Variants in ATRNL1 observed in about 807,000 individuals in gnomAD.
ATRNL1 encodes the protein attractin-like protein 1.
ATRNL1 carries 95 observed loss-of-function variants against 182.7 expected under a neutral mutation model. The observed-to-expected ratio is 0.52, with a 90% CI of 0.44 to 0.62. The LOEUF is 0.62. ATRNL1 is among the 20% of genes least tolerant of loss of function. ATRNL1 has a pLI of 0.00. For missense variants in ATRNL1, 1,471 were observed against 1,679.5 expected (o/e 0.88, Z 2.17); for synonymous variants, 576 against 568.3 (o/e 1.01, Z -0.19).
intron 27 of ATRNL1, among the ~76,000 whole-genome samples, chr10:115,834,248 C>T (rs1035623736): frequency 8.5e-5 from 13 of 152,134 alleles, no homozygotes; most frequent in South Asian, 2.1e-4. Context: ...CTACTTTCTG[C>T]GGCTCCAATA....
intron 27 of ATRNL1, among the ~76,000 whole-genome samples, chr10:115,795,889 A>G (rs1171178006): frequency 3.3e-5 from 5 of 152,168 alleles, no homozygotes; most frequent in Middle Eastern, 3.4e-3. Context: ...GAGCCAAACC[A>G]TATCATCCCC....
At chr10:115,885,142 A>C (rs1406675999) in intron 28 of ATRNL1, among the ~76,000 whole-genome samples, 1 of 152,244 alleles carries the variant, frequency 6.6e-6, no homozygotes. Flanking sequence ...TAAATGATGA[A>C]CAGTGACTGT....
intron 27 of ATRNL1, among the ~76,000 whole-genome samples, chr10:115,774,893 CTG>C (rs1312188942): frequency 6.6e-6 from 1 of 151,172 alleles, no homozygotes; most frequent in East Asian, 1.9e-4. Flanking sequence ...TTATGTAAAG[CTG>C]TCTTTTCTTC....
intron 8 of ATRNL1, among the ~76,000 whole-genome samples, chr10:115,203,307 C>T (rs1044204619): frequency 1.3e-5 from 2 of 152,136 alleles, no homozygotes; most frequent in East Asian, 3.9e-4. Context: ...TTGGTGTTTG[C>T]CATATAAGCT....
At chr10:115,165,696 A>G in intron 7 of ATRNL1, 51 bp downstream of exon 7, 5 of 1,001,630 alleles carry the variant, frequency 5.0e-6, no homozygotes, top group Non-Finnish European at 7.3e-6. Context: ...TTGATAGTTT[A>G]CCACAGGCTA....
At chr10:115,147,899 C>T (rs551112980) in intron 5 of ATRNL1, among the ~76,000 whole-genome samples, 1 of 152,070 alleles carries the variant, frequency 6.6e-6, no homozygotes, top group Non-Finnish European at 1.5e-5. Context: ...TGGTGTGATA[C>T]CTTCAGCCTT....
intron 28 of ATRNL1, among the ~76,000 whole-genome samples, chr10:115,925,600 G>A (rs537537532): frequency 1.3e-3 from 195 of 151,740 alleles, no homozygotes; most frequent in African/African-American, 4.6e-3. Flanking sequence ...AAAAAAAAAA[G>A]CAGGGGTTGC....
At chr10:115,802,145 A>G (rs1949813304) in intron 27 of ATRNL1, among the ~76,000 whole-genome samples, 1 of 151,978 alleles carries the variant, frequency 6.6e-6, no homozygotes, top group Non-Finnish European at 1.5e-5. Context: ...CTCCTCCCAG[A>G]GACTACTAAG....
intron 20 of ATRNL1, among the ~76,000 whole-genome samples, chr10:115,415,294 TA>T (rs1554960655): frequency 6.6e-6 from 1 of 152,044 alleles, no homozygotes; most frequent in Non-Finnish European, 1.5e-5. Flanking sequence ...TGAAGTTGAA[TA>T]TTTTTCATGT....
rs1314938267 is a variant in ATRNL1 at position 115,740,821 on chromosome 10, AACACACAC to A, written c.3903+13492_3903+13499del. On this transcript the variant is annotated intron_variant, in intron 27 of 28. Transcript: ENST00000355044. ...ACACCCGGCCAATCCTATCTCTTTA[AACACACAC>A]ACACACACACACACACACACACACA... Among the ~76,000 whole-genome samples, 229 of 57,310 alleles carry A rather than the reference AACACACAC, an allele frequency of 4.0e-3. 10 individuals are homozygous for A. The South Asian group carries it at 0.17, about 43-fold the overall frequency. 37.6% of individuals were successfully genotyped at this position (57,310 alleles called of 152,430 possible). A position where few individuals can be genotyped will look rare whatever the true frequency, so the allele number is the denominator to read the frequency against.
chr10:115,765,650 A>T (rs1445864496), intron 27 of ATRNL1, among the ~76,000 whole-genome samples: 3 of 152,180 alleles, frequency 2.0e-5, no homozygotes, highest in African/African-American at 7.2e-5. Context: ...AATGAAGTCT[A>T]GTTTATCAAT....
At chr10:115,366,599 G>T (rs1314804609) in intron 19 of ATRNL1, among the ~76,000 whole-genome samples, 4 of 149,720 alleles carry the variant, frequency 2.7e-5, no homozygotes, top group African/African-American at 9.8e-5. Flanking sequence ...AGTTGATGCA[G>T]TTTCTTCCTA....
intron 27 of ATRNL1, among the ~76,000 whole-genome samples, chr10:115,782,330 A>AGGAATAAACAGGGCAAAAT (rs1301400657): frequency 6.6e-6 from 1 of 152,238 alleles, no homozygotes; most frequent in African/African-American, 2.4e-5. Flanking sequence ...CTGTTTTTAA[A>AGGAATAAACAGGGCAAAAT]GGAATAAACA....
intron 26 of ATRNL1, among the ~76,000 whole-genome samples, chr10:115,682,850 G>A (rs1555045146): frequency 1.3e-5 from 2 of 152,086 alleles, no homozygotes; most frequent in Admixed American, 6.6e-5. Flanking sequence ...ACATTTTTAA[G>A]TATCACAACA....
intron 27 of ATRNL1, among the ~76,000 whole-genome samples, chr10:115,791,512 T>C (rs1949532165): frequency 6.6e-6 from 1 of 152,226 alleles, no homozygotes. Context: ...ATATGTTTTC[T>C]TATTATTTTA....
intron 20 of ATRNL1, among the ~76,000 whole-genome samples, chr10:115,396,793 T>A (rs1319710061): frequency 1.3e-5 from 2 of 151,912 alleles, no homozygotes; most frequent in Non-Finnish European, 2.9e-5. Context: ...CATATTTTTG[T>A]TTACAGACAA....
chr10:115,683,067 A>G (rs1268191008), intron 26 of ATRNL1, among the ~76,000 whole-genome samples: 9 of 151,968 alleles, frequency 5.9e-5, no homozygotes, highest in Admixed American at 5.9e-4. Flanking sequence ...TATTAGCATT[A>G]CTAAAGTGTT....
At chr10:115,516,243 T>C (rs1850631014) in intron 24 of ATRNL1, among the ~76,000 whole-genome samples, 1 of 151,890 alleles carries the variant, frequency 6.6e-6, no homozygotes, top group Admixed American at 6.6e-5. Flanking sequence ...AGTAGAAATA[T>C]CATCTTTCCA....
At chr10:115,405,286 G>A (rs559952588) in intron 20 of ATRNL1, among the ~76,000 whole-genome samples, 4 of 152,010 alleles carry the variant, frequency 2.6e-5, no homozygotes, top group African/African-American at 9.6e-5. Flanking sequence ...TATATGTGTA[G>A]GTGTTTTATC....
Sources: allele counts gnomAD v4.1 joint callset (sites outside exome capture counted in the v4.1 genomes callset), GRCh38; gene constraint gnomAD v4.1.1; transcripts MANE v1.5; gene names NCBI Gene and HGNC (gene_info 2026-07-23, HGNC 2026-07-21).